CDH13: variants seen among roughly 807,000 people sequenced by gnomAD.
CDH13 encodes the protein cadherin 13.
Under a neutral mutation model 63.8 loss-of-function variants are expected in CDH13, and 24 were observed. That is an observed-to-expected ratio of 0.38 (90% confidence interval 0.27 to 0.53). The LOEUF (loss-of-function observed/expected upper bound fraction) is 0.53, where lower values mean the gene tolerates loss of function less well. Ranked by LOEUF, CDH13 falls within the 20% of genes least tolerant of loss-of-function variation. CDH13 has a pLI of 0.85. For synonymous variants in CDH13, 503 were observed against 355.3 expected, an observed-to-expected ratio of 1.42 and a Z score of -4.67; for missense variants, 1,049 against 903.1, an observed-to-expected ratio of 1.16 and a Z score of -2.07.
At chr16:82,771,177 G>T (rs188926277) in intron 1 of CDH13, among the ~76,000 whole-genome samples, 1 of 152,300 alleles carries the variant, frequency 6.6e-6, no homozygotes. Context: ...TCACAAGTCA[G>T]ACCCAGAATA....
intron 6 of CDH13, among the ~76,000 whole-genome samples, chr16:83,350,049 T>A (rs753909521): frequency 6.6e-6 from 1 of 152,212 alleles, no homozygotes; most frequent in Non-Finnish European, 1.5e-5. Context: ...CCAAGTCTGA[T>A]AATGAGACAT....
intron 3 of CDH13, among the ~76,000 whole-genome samples, chr16:83,093,561 C>T (rs1239059937): frequency 6.6e-6 from 1 of 151,960 alleles, no homozygotes; most frequent in South Asian, 2.1e-4. Context: ...CTCAGGTGAT[C>T]CACCTACCTC....
At chr16:83,141,171 C>G (rs151055328) in intron 4 of CDH13, among the ~76,000 whole-genome samples, 1 of 152,314 alleles carries the variant, frequency 6.6e-6, no homozygotes, top group African/African-American at 2.4e-5. Flanking sequence ...GCCGGAGGGG[C>G]TCTGGAGGTG....
chr16:83,461,801 T>A (rs547208339), intron 6 of CDH13, among the ~76,000 whole-genome samples: 1 of 152,174 alleles, frequency 6.6e-6, no homozygotes, highest in Non-Finnish European at 1.5e-5. Context: ...CGGAGGGGAA[T>A]GTATAAGAGC....
At chr16:82,701,939 G>T (rs964647374) in intron 1 of CDH13, among the ~76,000 whole-genome samples, 2 of 152,150 alleles carry the variant, frequency 1.3e-5, no homozygotes, top group Non-Finnish European at 2.9e-5. Flanking sequence ...GGTGGGTGCA[G>T]TTTCCCCGAG....
At chr16:83,612,060 T>A (rs1298356597) in intron 8 of CDH13, among the ~76,000 whole-genome samples, 1 of 152,108 alleles carries the variant, frequency 6.6e-6, no homozygotes, top group East Asian at 1.9e-4. Context: ...TCAAACCTTC[T>A]ATATATGTTT....
intron 6 of CDH13, among the ~76,000 whole-genome samples, chr16:83,360,572 C>T (rs139507250): frequency 6.6e-6 from 1 of 152,144 alleles, no homozygotes; most frequent in African/African-American, 2.4e-5. Flanking sequence ...ACCCAGGTAG[C>T]ACCATAGTAC....
chr16:83,168,389 A>C (rs958031073), intron 4 of CDH13, among the ~76,000 whole-genome samples: 2 of 152,000 alleles, frequency 1.3e-5, no homozygotes, highest in Non-Finnish European at 2.9e-5. Flanking sequence ...ACACACACAT[A>C]TATTTACGAC....
chr16:83,611,571 C>G (rs1288046298), intron 8 of CDH13, among the ~76,000 whole-genome samples: 1 of 151,682 alleles, frequency 6.6e-6, no homozygotes, highest in Non-Finnish European at 1.5e-5. Flanking sequence ...GTATCTTTCA[C>G]CATTTATTTT....
rs75476238 is a variant in CDH13 at position 83,023,746 on chromosome 16, A to C, written c.158-8264A>C. On this transcript the variant is annotated intron_variant, in intron 2 of 13. Coordinates refer to ENST00000567109, the MANE Select transcript of CDH13 (RefSeq NM_001257.5). The stretch of plus-strand genomic sequence containing the variant: ...AATCACTGACACTTTGGTGGCATCA[A>C]CAAAGTCAATAACATGAAACACAAT... Among the ~76,000 whole-genome samples, 1,292 of 152,364 alleles carry C rather than the reference A, an allele frequency of 8.5e-3. 15 individuals are homozygous for C. Among genetic ancestry groups the C allele is most frequent in the African/African-American group, 0.03 (1,229 of 41,586 alleles).
chr16:82,770,184 T>C (rs375722930), intron 1 of CDH13, among the ~76,000 whole-genome samples: 32 of 152,374 alleles, frequency 2.1e-4, no homozygotes, highest in African/African-American at 7.7e-4. Flanking sequence ...AAAACAAATT[T>C]GGAAAGTATT....
At chr16:82,957,536 C>T (rs1647879116) in intron 2 of CDH13, among the ~76,000 whole-genome samples, 1 of 152,150 alleles carries the variant, frequency 6.6e-6, no homozygotes, top group South Asian at 2.1e-4. Context: ...AGGTGCCTCC[C>T]AAGTACCCAT....
At chr16:82,896,024 C>G (rs1259775242) in intron 2 of CDH13, among the ~76,000 whole-genome samples, 1 of 152,142 alleles carries the variant, frequency 6.6e-6, no homozygotes, top group Non-Finnish European at 1.5e-5. Context: ...TCAAACACTA[C>G]CTCTTTAAGA....
At chr16:83,057,080 C>T (rs968830316) in intron 3 of CDH13, among the ~76,000 whole-genome samples, 4 of 152,152 alleles carry the variant, frequency 2.6e-5, no homozygotes, top group African/African-American at 9.7e-5. Context: ...GATTCTCCTG[C>T]CTCAGCCTCC....
intron 2 of CDH13, among the ~76,000 whole-genome samples, chr16:82,932,442 C>A (rs1349181867): frequency 1.3e-5 from 2 of 152,078 alleles, no homozygotes; most frequent in South Asian, 2.1e-4. Flanking sequence ...TCCTAGCTGA[C>A]CTACTAGAGA....
intron 2 of CDH13, among the ~76,000 whole-genome samples, chr16:82,892,632 G>T (rs185669982): frequency 1.3e-5 from 2 of 152,304 alleles, no homozygotes; most frequent in East Asian, 3.9e-4. Flanking sequence ...GTTTGGGATG[G>T]ATCTAAGAAG....
At chr16:82,658,625 T>C (rs1010421923) in intron 1 of CDH13, among the ~76,000 whole-genome samples, 1 of 152,204 alleles carries the variant, frequency 6.6e-6, no homozygotes, top group Non-Finnish European at 1.5e-5. Context: ...TGTAAAATTA[T>C]GTCAAATAGT....
chr16:83,712,813 A>G (rs1312854743), intron 10 of CDH13, among the ~76,000 whole-genome samples: 1 of 152,236 alleles, frequency 6.6e-6, no homozygotes, highest in Non-Finnish European at 1.5e-5. Flanking sequence ...GCTGTCACAC[A>G]CTAATAAAAG....
chr16:83,332,534 A>G (rs755018759), intron 5 of CDH13, among the ~76,000 whole-genome samples: 3 of 152,216 alleles, frequency 2.0e-5, no homozygotes, highest in African/African-American at 7.2e-5. Context: ...GAAAAAGGGC[A>G]CGTAAAAATA....
Sources: allele counts gnomAD v4.1 joint callset (sites outside exome capture counted in the v4.1 genomes callset), GRCh38; gene constraint gnomAD v4.1.1; transcripts MANE v1.5; gene names NCBI Gene and HGNC (gene_info 2026-07-23, HGNC 2026-07-21).